PTPRD: variants seen among roughly 807,000 people sequenced by gnomAD.
PTPRD encodes the protein receptor-type tyrosine-protein phosphatase delta.
A neutral mutation model predicts 214.5 loss-of-function variants in PTPRD; 34 were observed. That is an observed-to-expected ratio of 0.16 (90% CI 0.12 to 0.21). The LOEUF is 0.21. PTPRD is among the 10% of genes least tolerant of loss of function. The probability of loss-of-function intolerance (pLI) is 1.00; values close to 1 mark genes in which losing one functional copy is unlikely to be tolerated. For missense variants in PTPRD, 2,545 were observed against 2,398.7 expected (o/e 1.06, Z -1.27); for synonymous variants, 1,128 against 845.7 (o/e 1.33, Z -5.79).
At chr9:10,530,073 A>G (rs2055720835) in intron 2 of PTPRD, among the ~76,000 whole-genome samples, 1 of 152,198 alleles carries the variant, frequency 6.6e-6, no homozygotes, top group Non-Finnish European at 1.5e-5. Flanking sequence ...AGATTAAAAA[A>G]GTCAATTTAA....
intron 3 of PTPRD, among the ~76,000 whole-genome samples, chr9:10,037,035 C>G (rs10809020): frequency 0.39 from 58,749 of 151,690 alleles, 12,027 homozygotes; most frequent in East Asian, 0.63. Flanking sequence ...ACAGGTATGT[C>G]CCACCATGCC....
intron 7 of PTPRD, among the ~76,000 whole-genome samples, chr9:9,667,939 A>G (rs902253758): frequency 4.6e-5 from 7 of 152,176 alleles, no homozygotes; most frequent in African/African-American, 1.7e-4. Flanking sequence ...AGATATTTCT[A>G]AATAAAGACT....
intron 3 of PTPRD, among the ~76,000 whole-genome samples, chr9:10,269,657 G>GT (rs977217648): frequency 1.1e-3 from 168 of 152,124 alleles, no homozygotes; most frequent in African/African-American, 3.7e-3. Context: ...CTTGTAGAAA[G>GT]TTCAAGATAT....
At chr9:9,076,887 C>T (rs2099752042) in intron 10 of PTPRD, among the ~76,000 whole-genome samples, 1 of 151,062 alleles carries the variant, frequency 6.6e-6, no homozygotes, top group African/African-American at 2.4e-5. Flanking sequence ...AAACTGTTCT[C>T]CATAGTGATT....
chr9:9,119,661 C>A (rs565409804), intron 10 of PTPRD, among the ~76,000 whole-genome samples: 2 of 151,898 alleles, frequency 1.3e-5, no homozygotes, highest in South Asian at 4.2e-4. Flanking sequence ...GTAGCTGGGA[C>A]TACAGGCGCG....
chr9:8,780,677 A>G (rs2095659281), intron 11 of PTPRD, among the ~76,000 whole-genome samples: 1 of 152,208 alleles, frequency 6.6e-6, no homozygotes, highest in South Asian at 2.1e-4. Context: ...GCAAGGCCTG[A>G]GAATCTACCT....
chr9:8,416,118 A>G (rs985626828), intron 35 of PTPRD, among the ~76,000 whole-genome samples: 2 of 152,210 alleles, frequency 1.3e-5, no homozygotes, highest in African/African-American at 4.8e-5. Flanking sequence ...ATCATTTAAA[A>G]TAACTTTGAA....
intron 3 of PTPRD, among the ~76,000 whole-genome samples, chr9:10,330,548 T>C (rs2096730195): frequency 6.6e-6 from 1 of 151,906 alleles, no homozygotes; most frequent in Non-Finnish European, 1.5e-5. Flanking sequence ...TTAAAGTTTC[T>C]TGATGCATAC....
Position 10,572,092 on chromosome 9 carries a change from C to T in PTPRD, c.-600+40306G>A, listed in dbSNP as rs537916331. Among the ~76,000 whole-genome samples, 4 of 152,210 alleles carry T rather than the reference C, an allele frequency of 2.6e-5. No individual in the cohort carries two copies. The South Asian group carries it at 8.3e-4, about 32-fold the overall frequency. On this transcript the variant is annotated intron_variant, in intron 2 of 45. Coordinates refer to ENST00000381196, the MANE Select transcript of PTPRD (RefSeq NM_002839.4). ...AAACAGTGACAGGAAACATTGAACT[C>T]CATAAGGCCACGATTATTAGAAAAT...
At chr9:9,360,060 C>T (rs2055433906) in intron 9 of PTPRD, among the ~76,000 whole-genome samples, 2 of 151,288 alleles carry the variant, frequency 1.3e-5, no homozygotes, top group African/African-American at 4.8e-5. Context: ...GTTTTCATGG[C>T]AGAAGTCAGA....
chr9:9,078,950 G>C (rs2099755100), intron 10 of PTPRD, among the ~76,000 whole-genome samples: 1 of 152,048 alleles, frequency 6.6e-6, no homozygotes, highest in Non-Finnish European at 1.5e-5. Context: ...TGAGTGATCA[G>C]ATCAGGGTAA....
chr9:10,106,754 A>G (rs924162205), intron 3 of PTPRD, among the ~76,000 whole-genome samples: 1 of 151,984 alleles, frequency 6.6e-6, no homozygotes, highest in African/African-American at 2.4e-5. Flanking sequence ...AAATAGACAT[A>G]GAAAAAAAGC....
At chr9:9,371,560 C>G (rs1275301038) in intron 9 of PTPRD, among the ~76,000 whole-genome samples, 1 of 152,072 alleles carries the variant, frequency 6.6e-6, no homozygotes, top group Non-Finnish European at 1.5e-5. Flanking sequence ...TTTCAAAAAA[C>G]CAGCTCCTGG....
intron 2 of PTPRD, among the ~76,000 whole-genome samples, chr9:10,588,205 C>T (rs1333831308): frequency 1.3e-5 from 2 of 152,050 alleles, no homozygotes; most frequent in Non-Finnish European, 2.9e-5. Flanking sequence ...ATGTCAATGA[C>T]AAATTAATGA....
intron 27 of PTPRD, among the ~76,000 whole-genome samples, chr9:8,488,138 A>C (rs929417888): frequency 6.6e-6 from 1 of 152,194 alleles, no homozygotes; most frequent in Non-Finnish European, 1.5e-5. Flanking sequence ...AAGGTAAAAA[A>C]ATCACTAAAA....
chr9:9,685,982 GA>G (rs1161825694), intron 7 of PTPRD, among the ~76,000 whole-genome samples: 2 of 151,178 alleles, frequency 1.3e-5, no homozygotes, highest in Non-Finnish European at 3.0e-5. Context: ...ATTGGTAACT[GA>G]AAAAATCTTC....
At chr9:8,696,770 C>T (rs901097813) in intron 12 of PTPRD, among the ~76,000 whole-genome samples, 1 of 152,172 alleles carries the variant, frequency 6.6e-6, no homozygotes, top group African/African-American at 2.4e-5. Flanking sequence ...GTTTTTACTT[C>T]ATTCCAAGTT....
At chr9:9,811,764 T>A (rs2047224681) in intron 5 of PTPRD, among the ~76,000 whole-genome samples, 1 of 152,148 alleles carries the variant, frequency 6.6e-6, no homozygotes, top group Non-Finnish European at 1.5e-5. Flanking sequence ...GAAGATGCTG[T>A]GGATATTGTT....
intron 8 of PTPRD, among the ~76,000 whole-genome samples, chr9:9,500,676 T>G (rs185653241): frequency 1.3e-5 from 2 of 152,174 alleles, no homozygotes; most frequent in Non-Finnish European, 2.9e-5. Flanking sequence ...AGATGAAGAT[T>G]TGGATCCATA....
Sources: gnomAD v4.1 joint callset for allele counts (sites outside exome capture counted in the v4.1 genomes callset) on GRCh38, gnomAD v4.1.1 for gene constraint, MANE v1.5 for transcripts, NCBI Gene and HGNC (gene_info 2026-07-23, HGNC 2026-07-21) for gene names.